Variants in KLF7 observed in about 807,000 individuals in gnomAD.
KLF7 encodes the protein Krueppel-like factor 7.
A neutral mutation model predicts 27.3 loss-of-function variants in KLF7; 2 were observed. The ratio of observed to expected loss-of-function variants is 0.07; its 90% CI spans 0.03 to 0.23. The LOEUF (loss-of-function observed/expected upper bound fraction) is 0.23. Among genes scored for constraint, KLF7 ranks in the 10% least tolerant of loss-of-function variants. The pLI is 1.00. For synonymous variants in KLF7, 165 were observed against 162.4 expected (o/e 1.02, Z -0.12); for missense variants, 221 against 394.1 (o/e 0.56, Z 3.72).
At chr2:207,171,399 ATGAGT>A (rs2078783087), upstream of KLF7, among the ~76,000 whole-genome samples, 3 of 152,324 alleles carry the variant, frequency 2.0e-5, no homozygotes, top group South Asian at 6.2e-4. Flanking sequence ...TATACATAAA[ATGAGT>A]TGATAAGGTA....
Position 207,080,833 on chromosome 2 carries a change from A to G in KLF7, c.*380T>C. 2.4e-6 allele frequency: 1 copy of G among 409,230 alleles called. No homozygotes were observed. Among genetic ancestry groups the G allele is most frequent in the Non-Finnish European group, 4.3e-6 (1 of 232,002 alleles). The allele number at this position is 409,230 out of a possible 1,614,324, so 25.3% of individuals were successfully genotyped here. ...AAATAAGCCCCTCGGACTGCCGTCC[A>G]CCTGCACAGACGTCACATCCATTTT... is the stretch of plus-strand genomic sequence containing the variant. On this transcript the variant is annotated 3_prime_UTR_variant, in exon 4 of 4. Transcript: ENST00000309446.
At chr2:207,111,545 A>G (rs1029551399) in intron 2 of KLF7, among the ~76,000 whole-genome samples, 1 of 152,168 alleles carries the variant, frequency 6.6e-6, no homozygotes. Context: ...AATTCTGTCA[A>G]CCGGTTTGCT....
intron 1 of KLF7, among the ~76,000 whole-genome samples, chr2:207,149,495 T>C (rs1010471195): frequency 5.9e-5 from 9 of 152,148 alleles, no homozygotes; most frequent in African/African-American, 2.2e-4. Flanking sequence ...GGTGGTGCTG[T>C]CCACTGTTGA....
intron 1 of KLF7, among the ~76,000 whole-genome samples, chr2:207,137,998 AC>A (rs1416610324): frequency 1.3e-5 from 2 of 152,190 alleles, no homozygotes; most frequent in Admixed American, 6.5e-5. Flanking sequence ...AAGTGCTGAG[AC>A]CCTGAAGTTT....
At chr2:207,106,229 T>C (rs903701575) in intron 2 of KLF7, among the ~76,000 whole-genome samples, 2 of 152,186 alleles carry the variant, frequency 1.3e-5, no homozygotes, top group African/African-American at 4.8e-5. Flanking sequence ...GGGCATAACA[T>C]GATCAGAATT....
At chr2:207,159,373 T>C (rs1204799689) in intron 1 of KLF7, among the ~76,000 whole-genome samples, 3 of 152,198 alleles carry the variant, frequency 2.0e-5, no homozygotes, top group African/African-American at 7.2e-5. Context: ...GTTGGAACTA[T>C]GTGGGTAATA....
the KLF7 span, among the ~76,000 whole-genome samples, chr2:207,172,981 T>C: frequency 7.9e-6 from 1 of 125,990 alleles, no homozygotes; most frequent in Non-Finnish European, 1.7e-5. Context: ...CATTAATAAA[T>C]ATTTTTGTGT....
At chr2:207,164,249 AT>A (rs2078633212) in intron 1 of KLF7, among the ~76,000 whole-genome samples, 1 of 152,234 alleles carries the variant, frequency 6.6e-6, no homozygotes, top group African/African-American at 2.4e-5. Flanking sequence ...TCAGCCGTTC[AT>A]TAGCCTTAAC....
At chr2:207,151,302 G>C (rs1285896487) in intron 1 of KLF7, among the ~76,000 whole-genome samples, 1 of 152,046 alleles carries the variant, frequency 6.6e-6, no homozygotes, top group East Asian at 1.9e-4. Context: ...TTAAAATATT[G>C]CAAGGAGGCT....
chr2:207,108,472 A>G (rs561912630), intron 2 of KLF7, among the ~76,000 whole-genome samples: 1 of 152,342 alleles, frequency 6.6e-6, no homozygotes, highest in African/African-American at 2.4e-5. Flanking sequence ...ACAATCCTCA[A>G]AAGAGTGGAG....
intron 2 of KLF7, among the ~76,000 whole-genome samples, chr2:207,119,732 C>G (rs1312877349): frequency 2.0e-5 from 3 of 152,114 alleles, no homozygotes; most frequent in Non-Finnish European, 4.4e-5. Context: ...GAGACGGTGT[C>G]TCACTCTGTC....
At chr2:207,090,488 C>G (rs189581937) in intron 2 of KLF7, among the ~76,000 whole-genome samples, 1 of 152,078 alleles carries the variant, frequency 6.6e-6, no homozygotes, top group South Asian at 2.1e-4. Context: ...ATCAGTTGTG[C>G]GTAAGAAACG....
At chr2:207,110,926 C>T (rs1320872018) in intron 2 of KLF7, among the ~76,000 whole-genome samples, 1 of 152,152 alleles carries the variant, frequency 6.6e-6, no homozygotes, top group Non-Finnish European at 1.5e-5. Context: ...GGTTTCTCAA[C>T]CTTGGCACTG....
intron 2 of KLF7, among the ~76,000 whole-genome samples, chr2:207,114,618 G>A (rs1346284229): frequency 6.6e-6 from 1 of 152,054 alleles, no homozygotes; most frequent in Non-Finnish European, 1.5e-5. Context: ...ATTTTTTAGG[G>A]CAACTGCTAG....
intron 2 of KLF7, among the ~76,000 whole-genome samples, chr2:207,099,724 T>C (rs1388993727): frequency 6.6e-6 from 1 of 151,598 alleles, no homozygotes; most frequent in African/African-American, 2.4e-5. Flanking sequence ...AAATTGATAT[T>C]CCTTGATGAT....
rs73983202 is a variant in KLF7, at chr2:207,151,058, G to A, written c.102+14409C>T. On this transcript the variant is annotated intron_variant, in intron 1 of 3. Coordinates refer to ENST00000309446, the MANE Select transcript of KLF7 (RefSeq NM_003709.4). ...GGGAGGGAGGGTGAAAAGGAGGGGT[G>A]AGGAGAGTTTACCAAGCCTTAGAGA... Among the ~76,000 whole-genome samples the A allele has an allele frequency of 1.9e-3, 286 of 150,696 alleles. 1 individual carries two copies. The highest frequency in any genetic ancestry group is 6.8e-3 in the African/African-American group (279 of 40,940).
intron 2 of KLF7, among the ~76,000 whole-genome samples, chr2:207,100,730 T>G (rs534316952): frequency 1.7e-4 from 26 of 152,344 alleles, no homozygotes; most frequent in African/African-American, 6.3e-4. Context: ...AAGTTTTCAC[T>G]CTTTGGCCAG....
intron 2 of KLF7, among the ~76,000 whole-genome samples, chr2:207,096,639 C>A (rs2076636368): frequency 6.6e-6 from 1 of 152,112 alleles, no homozygotes; most frequent in Non-Finnish European, 1.5e-5. Context: ...CTCAAAGAAG[C>A]CTTCTTCTCT....
chr2:207,167,005 T>G, upstream of KLF7: 1 of 837,380 alleles, frequency 1.2e-6, no homozygotes. Context: ...TGGTCGGGAG[T>G]CCGGCGGCTA....
Sources: gnomAD v4.1 joint callset for allele counts (sites outside exome capture counted in the v4.1 genomes callset) on GRCh38, gnomAD v4.1.1 for gene constraint, MANE v1.5 for transcripts, NCBI Gene and HGNC (gene_info 2026-07-23, HGNC 2026-07-21) for gene names.